Variants in CFAP61 observed in about 807,000 individuals in gnomAD.
CFAP61 encodes the protein cilia and flagella associated protein 61.
A neutral mutation model predicts 135.6 loss-of-function variants in CFAP61; 107 were observed. The observed-to-expected ratio is 0.79, with a 90% confidence interval of 0.67 to 0.93. The LOEUF (loss-of-function observed/expected upper bound fraction) is 0.93, where lower values mean the gene tolerates loss of function less well. Ranked by LOEUF, CFAP61 falls within the 40% of genes least tolerant of loss-of-function variation. CFAP61 has a pLI of 0.00. For synonymous variants in CFAP61, 575 were observed against 578.5 expected (o/e 0.99, Z 0.09); for missense variants, 1,507 against 1,556.2 (o/e 0.97, Z 0.53).
At chr20:20,263,805 T>A (rs1278939991) in intron 21 of CFAP61, among the ~76,000 whole-genome samples, 1 of 152,146 alleles carries the variant, frequency 6.6e-6, no homozygotes, top group Non-Finnish European at 1.5e-5. Flanking sequence ...TGGAGATAAC[T>A]TAGAGCAGCC....
chr20:20,069,960 A>C, intron 2 of CFAP61: 1 of 277,916 alleles, frequency 3.6e-6, no homozygotes, highest in South Asian at 3.6e-5. Flanking sequence ...CCTCCAACTT[A>C]AGATGCCAGT....
intron 17 of CFAP61, among the ~76,000 whole-genome samples, chr20:20,200,346 A>G (rs2081196383): frequency 6.6e-6 from 1 of 152,062 alleles, no homozygotes; most frequent in African/African-American, 2.4e-5. Context: ...CCCGGGTCCT[A>G]AGCTGGTTTG....
chr20:20,262,342 CT>C (rs1481898881), intron 20 of CFAP61, among the ~76,000 whole-genome samples: 1 of 152,196 alleles, frequency 6.6e-6, no homozygotes, highest in Admixed American at 6.5e-5. Context: ...TCTCAGAACA[CT>C]TTCCCTTGGA....
chr20:20,085,327 A>T (rs2046720300), intron 6 of CFAP61: 1 of 1,222,052 alleles, frequency 8.2e-7, no homozygotes, highest in African/African-American at 1.6e-5. Flanking sequence ...ACTTTGTCAT[A>T]TGCCATTTGA....
intron 6 of CFAP61, among the ~76,000 whole-genome samples, chr20:20,083,150 ACTAC>A (rs2046548762): frequency 6.6e-6 from 1 of 152,248 alleles, no homozygotes; most frequent in South Asian, 2.1e-4. Context: ...ACCGTGGAAT[ACTAC>A]TCAGCCATAA....
chr20:20,169,631 TGAGAA>T (rs2054079581), intron 13 of CFAP61, among the ~76,000 whole-genome samples, 171 bp downstream of exon 13: 1 of 152,216 alleles, frequency 6.6e-6, no homozygotes, highest in Non-Finnish European at 1.5e-5. Context: ...GAATGGCACT[TGAGAA>T]GAGATTTGTC....
Position 20,277,174 on chromosome 20 carries a change from A to G in CFAP61, c.2512A>G (p.Ile838Val), listed in dbSNP as rs756113239. The G allele has an allele frequency of 2.5e-6, 4 of 1,603,216 alleles. No homozygotes were observed. The East Asian group carries it at 6.7e-5, about 27-fold the overall frequency. ...NNSITTEGNI[I>V]VYGNTIDTYT... ...TTTCCCTTCTTTCCTAGGGAATATC[A>G]TTGTCTATGGGAATACAATTGATAC... The change falls in exon 22 of 27, where the codon ATT becomes GTT. Residue 838 changes from isoleucine (I) to valine (V), a missense_variant. By Grantham distance (29) the Ile-to-Val change is conservative (BLOSUM62 3). Transcript: ENST00000245957.
intron 6 of CFAP61, among the ~76,000 whole-genome samples, chr20:20,077,072 C>T (rs1286410577): frequency 6.6e-6 from 1 of 152,180 alleles, no homozygotes; most frequent in African/African-American, 2.4e-5. Context: ...CTTCAGTTAA[C>T]TGTCATGTTG....
intron 13 of CFAP61, among the ~76,000 whole-genome samples, chr20:20,183,059 A>G (rs1444452204): frequency 6.6e-6 from 1 of 152,224 alleles, no homozygotes; most frequent in African/African-American, 2.4e-5. Context: ...CCCAGTGTGG[A>G]AGGAATAGTA....
intron 19 of CFAP61, among the ~76,000 whole-genome samples, chr20:20,247,216 C>T (rs1473274785): frequency 6.6e-6 from 1 of 152,212 alleles, no homozygotes; most frequent in Non-Finnish European, 1.5e-5. Context: ...CTCCATTTCC[C>T]TCTTTCTAAA....
intron 2 of CFAP61, among the ~76,000 whole-genome samples, chr20:20,062,622 G>C (rs1308683742): frequency 6.6e-6 from 1 of 151,848 alleles, no homozygotes; most frequent in East Asian, 1.9e-4. Context: ...GATTAATCAG[G>C]AAAAAAAGAA....
chr20:20,280,404 C>A (rs1379350128), intron 22 of CFAP61, among the ~76,000 whole-genome samples: 2 of 152,188 alleles, frequency 1.3e-5, no homozygotes, highest in Non-Finnish European at 2.9e-5. Context: ...GAATAAATTT[C>A]TCTTGTCTTG....
intron 21 of CFAP61, among the ~76,000 whole-genome samples, chr20:20,275,723 C>T (rs941193050): frequency 5.9e-5 from 9 of 152,218 alleles, no homozygotes; most frequent in African/African-American, 1.7e-4. Flanking sequence ...TTTGGCTTGC[C>T]TATTTCAAAA....
rs114272684 is a variant in CFAP61, at chr20:20,098,749, T to C, written c.794T>C (p.Leu265Pro). ...ECFDLGPFHG[L>P]CFPHPDDVLE... is the part of the protein sequence containing the mutation. ...TTTGACTTGGGCCCTTTCCACGGACTCTGTTTCCCACATCCTGATGACGTT... is the reference window on the plus strand; with the variant it reads ...TTTGACTTGGGCCCTTTCCACGGACCCTGTTTCCCACATCCTGATGACGTT... The change falls in exon 8 of 27, where the codon CTC becomes CCC. Residue 265 changes from leucine (L) to proline (P), a missense_variant. Coordinates refer to ENST00000245957, the MANE Select transcript of CFAP61 (RefSeq NM_015585.4). The C allele has an allele frequency of 3.7e-6, 6 of 1,614,058 alleles. No homozygotes were observed. In the African/African-American group the frequency reaches 6.7e-5, roughly 18 times the overall value.
intron 21 of CFAP61, among the ~76,000 whole-genome samples, chr20:20,269,146 T>TACACACACAC (rs1192884602): frequency 1.2e-5 from 1 of 85,616 alleles, no homozygotes; most frequent in African/African-American, 4.0e-5. Context: ...TATATATATA[T>TACACACACAC]ACACACACAC....
At chr20:20,230,632 A>G (rs1016851384) in intron 18 of CFAP61, among the ~76,000 whole-genome samples, 1 of 152,050 alleles carries the variant, frequency 6.6e-6, no homozygotes, top group Admixed American at 6.6e-5. Context: ...GGTTCACTAC[A>G]ACCTCCGCCT....
intron 13 of CFAP61, among the ~76,000 whole-genome samples, chr20:20,174,313 G>A (rs543277179): frequency 2.0e-5 from 3 of 152,252 alleles, no homozygotes; most frequent in African/African-American, 7.2e-5. Flanking sequence ...GTGCACCTCT[G>A]TAGCTTCTCT....
intron 8 of CFAP61, among the ~76,000 whole-genome samples, chr20:20,142,304 C>T (rs923297591): frequency 6.6e-6 from 1 of 152,178 alleles, no homozygotes; most frequent in Non-Finnish European, 1.5e-5. Flanking sequence ...GAAAAGTGAG[C>T]ATTGTGACCG....
At chr20:20,182,959 A>G (rs573905257) in intron 13 of CFAP61, among the ~76,000 whole-genome samples, 1 of 152,346 alleles carries the variant, frequency 6.6e-6, no homozygotes, top group South Asian at 2.1e-4. Flanking sequence ...CCCTTTATCC[A>G]GAAAAGGAAG....
Sources: allele counts gnomAD v4.1 joint callset (sites outside exome capture counted in the v4.1 genomes callset), GRCh38; gene constraint gnomAD v4.1.1; transcripts MANE v1.5; gene names NCBI Gene and HGNC (gene_info 2026-07-23, HGNC 2026-07-21).